Variants in TG observed in about 807,000 individuals in gnomAD.
TG encodes thyroglobulin, also known as thyroid hormones.
A neutral mutation model predicts 324.7 loss-of-function variants in TG; 270 were observed. That is an observed-to-expected ratio of 0.83 (90% CI 0.75 to 0.92). TG has a LOEUF of 0.92. TG is among the 40% of genes least tolerant of loss of function. The pLI, the probability that TG is intolerant of heterozygous loss-of-function variation, is 0.00. For missense variants in TG, 3,591 were observed against 3,456.4 expected (o/e 1.04, Z -0.98); for synonymous variants, 1,401 against 1,327.0 (o/e 1.06, Z -1.21).
chr8:132,963,043 A>G lies in TG; in HGVS notation c.5517A>G (p.Thr1839=). The change falls in exon 29 of 48, where the codon ACA becomes ACG. Residue 1839 remains threonine, a synonymous_variant. Coordinates refer to ENST00000220616, the MANE Select transcript of TG (RefSeq NM_003235.5). ...AGTCTATGGGATGTAGAAAAGACAC[A>G]GTGCCAAGGCCAGCATCTCCAACAG... ...RPESMGCRKD[T]VPRPASPTEA... The G allele has an allele frequency of 1.2e-6, 2 of 1,614,054 alleles. No homozygotes were observed. Among genetic ancestry groups the G allele is most frequent in the South Asian group, 2.2e-5 (2 of 91,084 alleles).
chr8:133,119,990 G>A (rs1851013112), intron 45 of TG, among the ~76,000 whole-genome samples: 1 of 152,220 alleles, frequency 6.6e-6, no homozygotes, highest in Non-Finnish European at 1.5e-5. Flanking sequence ...CATGTGGTTT[G>A]GGTGGAGATG....
At chr8:132,878,147 A>G (rs1814099698) in intron 5 of TG, among the ~76,000 whole-genome samples, 1 of 152,192 alleles carries the variant, frequency 6.6e-6, no homozygotes, top group South Asian at 2.1e-4. Context: ...TGGTTTCTAC[A>G]AGATAAAAAT....
intron 3 of TG, 70 bp downstream of exon 3, chr8:132,869,896 G>C: frequency 1.4e-6 from 2 of 1,387,260 alleles, no homozygotes; most frequent in Non-Finnish European, 2.0e-6. Context: ...AATGAGCACT[G>C]GGTTTGGGTG....
Position 132,952,549 on chromosome 8 carries a change from G to A in TG, c.5401+3606G>A, listed in dbSNP as rs915492549. Among the ~76,000 whole-genome samples the A allele has an allele frequency of 5.3e-5, 8 of 152,208 alleles. 1 individual carries two copies. The South Asian group carries it at 1.0e-3, about 20-fold the overall frequency. On this transcript the variant is annotated intron_variant, in intron 27 of 47. Coordinates refer to ENST00000220616, the MANE Select transcript of TG (RefSeq NM_003235.5). ...ACTTCGGGTGCAGACACCTGCTTTC[G>A]TTGATCAATTCACGGGTACTATCAG... is the stretch of plus-strand genomic sequence containing the variant.
rs150280150 is a variant in TG at position 132,917,338 on chromosome 8, C to T, written c.4379-2038C>T. ...GAAGTCTTGAAAGGTGAGGAGGAAT[C>T]GTTGCTCAGACAAGAGCAGACAGAA... is the stretch of plus-strand genomic sequence containing the variant. On this transcript the variant is annotated intron_variant, in intron 20 of 47. Coordinates refer to ENST00000220616, the MANE Select transcript of TG (RefSeq NM_003235.5). 3.2e-4 allele frequency among the ~76,000 whole-genome samples: 49 copies of T among 151,860 alleles called. No individual in the cohort carries two copies. The East Asian group carries it at 5.4e-3, about 17-fold the overall frequency.
At chr8:133,038,656 A>C in intron 41 of TG, 1 of 1,613,860 alleles carries the variant, frequency 6.2e-7, no homozygotes, top group Non-Finnish European at 8.5e-7. Context: ...GGTAAGAGGC[A>C]ATGCTCTCTC....
chr8:133,052,268 GATAA>G (rs1329015877), intron 41 of TG, among the ~76,000 whole-genome samples: 33 of 152,356 alleles, frequency 2.2e-4, no homozygotes, highest in African/African-American at 7.7e-4. Context: ...CTTATCGATT[GATAA>G]ATAAATTAGA....
chr8:133,084,337 A>G (rs573198175), intron 41 of TG, among the ~76,000 whole-genome samples: 1 of 152,306 alleles, frequency 6.6e-6, no homozygotes, highest in African/African-American at 2.4e-5. Flanking sequence ...GGTCTTTTAC[A>G]AGTTATAATG....
chr8:132,947,110 T>G (rs902647687), intron 26 of TG, among the ~76,000 whole-genome samples: 25 of 152,210 alleles, frequency 1.6e-4, no homozygotes, highest in African/African-American at 6.0e-4. Flanking sequence ...AGGCTCTTGC[T>G]GCCTGCTGGC....
intron 30 of TG, 123 bp downstream of exon 30, chr8:132,966,820 G>A (rs1206644209): frequency 8.5e-7 from 1 of 1,172,102 alleles, no homozygotes; most frequent in Non-Finnish European, 1.3e-6. Flanking sequence ...ATGGATCACT[G>A]TGGATGATAT....
At chr8:133,133,259 C>T in intron 46 of TG, 1 of 638,248 alleles carries the variant, frequency 1.6e-6, no homozygotes, top group Non-Finnish European at 2.8e-6. Context: ...CCTTTCCTCA[C>T]CCAGAAATGG....
intron 37 of TG, 190 bp from the exon 38 acceptor site, chr8:133,017,588 T>C (rs772987448): frequency 3.1e-6 from 2 of 646,418 alleles, no homozygotes; most frequent in African/African-American, 1.8e-5. Flanking sequence ...TTTTTGCCAT[T>C]TTTTTTGTTT....
chr8:133,134,617 A>G, intron 47 of TG, 59 bp from the exon 48 acceptor site: 1 of 1,443,536 alleles, frequency 6.9e-7, no homozygotes, highest in Non-Finnish European at 9.8e-7. Context: ...AAAGGAAGGG[A>G]CCAGAGAAGA....
chr8:133,011,878 C>G (rs1834540536), intron 35 of TG, 23 bp from the exon 36 acceptor site: 1 of 1,614,112 alleles, frequency 6.2e-7, no homozygotes, highest in African/African-American at 1.3e-5. Context: ...CTGCATGTGA[C>G]TGTCCGTTGC....
intron 41 of TG, among the ~76,000 whole-genome samples, chr8:133,033,288 C>T (rs182997436): frequency 1.4e-4 from 21 of 152,290 alleles, no homozygotes; most frequent in African/African-American, 4.6e-4. Flanking sequence ...TCCCTCTTCC[C>T]TTGCCAAGGG....
At chr8:132,956,620 C>G (rs1826912498) in intron 27 of TG, among the ~76,000 whole-genome samples, 1 of 152,174 alleles carries the variant, frequency 6.6e-6, no homozygotes. Flanking sequence ...TTCAGTGTGA[C>G]TCGGGAGGTG....
chr8:132,868,307 T>C (rs866711377), intron 2 of TG, 84 bp downstream of exon 2: 8 of 1,093,702 alleles, frequency 7.3e-6, no homozygotes, highest in Middle Eastern at 4.5e-4. Flanking sequence ...TCCTGAGCTC[T>C]GCCCTGCAAC....
chr8:132,868,979 A>G (rs1839224762), intron 2 of TG, among the ~76,000 whole-genome samples: 1 of 151,920 alleles, frequency 6.6e-6, no homozygotes, highest in African/African-American at 2.4e-5. Context: ...TCTTATGTAC[A>G]CTCTTAATGT....
At position 133,109,849 on chromosome 8, in the gene TG, A is replaced by AT. The variant is rs146769674; in HGVS notation, c.7573-3571dup. Among the ~76,000 whole-genome samples, 1,095 of 152,278 alleles carry AT rather than the reference A, an allele frequency of 7.2e-3. 15 individuals carry two copies. Among genetic ancestry groups the AT allele is most frequent in the African/African-American group, 0.025 (1,051 of 41,546 alleles). On this transcript the variant is annotated intron_variant, in intron 43 of 47. Transcript: ENST00000220616. The stretch of plus-strand genomic sequence containing the variant: ...TCTCCTCTAAGTTCCAGCAAATGGC[A>AT]TTGCACAGGGAGGAGACAGTTTATG...
Sources: gnomAD v4.1 joint callset for allele counts (sites outside exome capture counted in the v4.1 genomes callset) on GRCh38, gnomAD v4.1.1 for gene constraint, MANE v1.5 for transcripts, NCBI Gene and HGNC (gene_info 2026-07-23, HGNC 2026-07-21) for gene names.